Variants in JHY observed in about 807,000 individuals in gnomAD.
The protein encoded by JHY is junctional cadherin complex regulator, also known as jhy protein homolog.
In JHY, 69 loss-of-function variants were observed where a neutral mutation model predicts 78.0. The ratio of observed to expected loss-of-function variants is 0.88; its 90% confidence interval spans 0.73 to 1.08. The LOEUF (loss-of-function observed/expected upper bound fraction) is 1.08. Ranked by LOEUF, JHY falls within the 50% of genes least tolerant of loss-of-function variation. The pLI is 0.00. For missense variants in JHY, 944 were observed against 927.8 expected, an observed-to-expected ratio of 1.02 and a Z score of -0.23; for synonymous variants, 368 against 342.6, an observed-to-expected ratio of 1.07 and a Z score of -0.82.
intron 3 of JHY, among the ~76,000 whole-genome samples, chr11:122,911,905 CAAAAAAAAAAAAAA>C (rs59941995): frequency 6.2e-4 from 31 of 49,734 alleles, no homozygotes; most frequent in East Asian, 4.3e-3. Context: ...AACTCTGTCT[CAAAAAAAAAAAAAA>C]AAAAAAAAAA....
rs1864335483 is a variant in JHY, at chr11:122,962,477, A to G, written c.*3032A>G. On this transcript the variant is annotated 3_prime_UTR_variant, in exon 9 of 9. Coordinates refer to ENST00000227349, the MANE Select transcript of JHY (RefSeq NM_024806.4). Reference sequence around the variant, plus strand: ...TGAATCATGTTTCAGTGGGATTTGGAAAATGTAATATATGAGGCATTAGAC... The same window carrying G: ...TGAATCATGTTTCAGTGGGATTTGGGAAATGTAATATATGAGGCATTAGAC... Among the ~76,000 whole-genome samples, 1 of 152,200 alleles carries G rather than the reference A, an allele frequency of 6.6e-6. No homozygotes were observed.
intron 8 of JHY, 97 bp downstream of exon 8, chr11:122,957,588 T>TCTTGC: frequency 8.0e-7 from 1 of 1,256,694 alleles, no homozygotes; most frequent in Non-Finnish European, 1.0e-6. Flanking sequence ...AGCCACAGAG[T>TCTTGC]CTTGCCGTCT....
At position 122,917,491 on chromosome 11, in the gene JHY, C is replaced by A. The variant is rs1160199703; in HGVS notation, c.865-7406C>A. ...GCATCATCATCACCTGGGAACTTAA[C>A]ACAAGTGGAAATTCTTGGGCCCCAT... On this transcript the variant is annotated intron_variant, in intron 3 of 8. Transcript: ENST00000227349. This position sits in a 1 kb window ranked among gnomAD's most constrained non-coding sequence, Gnocchi z 4.1. 6.6e-6 allele frequency among the ~76,000 whole-genome samples: 1 copy of A among 152,206 alleles called. No homozygotes were observed. Among genetic ancestry groups the A allele is most frequent in the Admixed American group, 6.5e-5 (1 of 15,280 alleles).
In JHY at chr11:122,962,464, C is replaced by T. The variant is rs915942960; in HGVS notation, c.*3019C>T. Among the ~76,000 whole-genome samples the T allele has an allele frequency of 6.6e-6, 1 of 152,082 alleles. No individual in the cohort carries two copies. The highest frequency in any genetic ancestry group is 6.5e-5 in the Admixed American group (1 of 15,268). On this transcript the variant is annotated 3_prime_UTR_variant, in exon 9 of 9. Transcript: ENST00000227349. ...AACAGAAAACTGGTGAATCATGTTT[C>T]AGTGGGATTTGGAAAATGTAATATA...
At chr11:122,928,928 G>A (rs189793657) in intron 4 of JHY, among the ~76,000 whole-genome samples, 239 of 151,218 alleles carry the variant, frequency 1.6e-3, no homozygotes, top group African/African-American at 4.7e-3. Flanking sequence ...GATTACAGGC[G>A]TGAGCCAACA....
chr11:122,934,397 A>G (rs763039896), intron 4 of JHY, 23 bp from the exon 5 acceptor site: 1 of 1,451,436 alleles, frequency 6.9e-7, no homozygotes, highest in Non-Finnish European at 9.2e-7. Context: ...CTAATTTTAC[A>G]TTAACCAAAA....
At chr11:122,890,560 G>A (rs1862591764) in intron 2 of JHY, among the ~76,000 whole-genome samples, 1 of 152,166 alleles carries the variant, frequency 6.6e-6, no homozygotes, top group Non-Finnish European at 1.5e-5. Context: ...AGAAACCAAG[G>A]TAAGGATCCA....
chr11:122,919,187 A>G (rs1387022474), intron 3 of JHY, among the ~76,000 whole-genome samples: 3 of 151,660 alleles, frequency 2.0e-5, no homozygotes, highest in East Asian at 1.9e-4. Flanking sequence ...CCCCGTCTCT[A>G]CTAAAATTAC....
intron 3 of JHY, among the ~76,000 whole-genome samples, chr11:122,906,619 C>G (rs1356914958): frequency 6.6e-6 from 1 of 152,160 alleles, no homozygotes; most frequent in African/African-American, 2.4e-5. Context: ...TTCAGAAACT[C>G]TCTTTTTAGT....
At chr11:122,914,429 GTTTTGTTT>G (rs1863193629) in intron 3 of JHY, among the ~76,000 whole-genome samples, 1 of 151,478 alleles carries the variant, frequency 6.6e-6, no homozygotes, top group Non-Finnish European at 1.5e-5. Context: ...TTTTTGTTTT[GTTTTGTTT>G]TTTTGTTTTT....
At chr11:122,921,898 C>T (rs555910822) in intron 3 of JHY, among the ~76,000 whole-genome samples, 3 of 152,208 alleles carry the variant, frequency 2.0e-5, no homozygotes, top group East Asian at 3.9e-4. Flanking sequence ...GCAGGAGAAC[C>T]GCTCGAGCCC....
At chr11:122,885,278 C>T (rs948816411) in intron 1 of JHY, among the ~76,000 whole-genome samples, 1 of 152,118 alleles carries the variant, frequency 6.6e-6, no homozygotes, top group Non-Finnish European at 1.5e-5. Context: ...ATTTACAGTT[C>T]CAACTATGGA....
At chr11:122,919,879 G>A (rs772204231) in intron 3 of JHY, among the ~76,000 whole-genome samples, 1 of 152,208 alleles carries the variant, frequency 6.6e-6, no homozygotes, top group Non-Finnish European at 1.5e-5. Flanking sequence ...ACATGTATGT[G>A]CATGCTAAAT....
At chr11:122,942,817 T>C (rs1036479896) in intron 5 of JHY, among the ~76,000 whole-genome samples, 3 of 152,246 alleles carry the variant, frequency 2.0e-5, no homozygotes, top group African/African-American at 7.2e-5. Flanking sequence ...CTAAGTATGT[T>C]TTAGTTGCTT....
intron 2 of JHY, among the ~76,000 whole-genome samples, chr11:122,889,331 T>C (rs929433999): frequency 1.3e-4 from 2 of 15,476 alleles, no homozygotes; most frequent in African/African-American, 3.3e-4. Flanking sequence ...TCCGTATCCA[T>C]GGTTTCGCAT....
At chr11:122,908,471 C>G (rs1199261432) in intron 3 of JHY, among the ~76,000 whole-genome samples, 1 of 152,198 alleles carries the variant, frequency 6.6e-6, no homozygotes, top group Non-Finnish European at 1.5e-5. Context: ...GTGTGCATTT[C>G]TGACAAGTTC....
chr11:122,939,621 A>G (rs1473042622), intron 5 of JHY, among the ~76,000 whole-genome samples: 2 of 152,284 alleles, frequency 1.3e-5, no homozygotes, highest in East Asian at 3.9e-4. Context: ...TTATTCTGCC[A>G]CGTTTTTTCT....
rs1442850067 is a variant in JHY at position 122,882,784 on chromosome 11, G to C, written c.-278G>C. ...ACGGCCGTTTGCAGCCTCCGTGCCA[G>C]GGCCGGGGGTGCGGTTCGGGACGCG... On this transcript the variant is annotated 5_prime_UTR_variant, in exon 1 of 9. Transcript: ENST00000227349. 3 of 153,050 alleles carry C rather than the reference G, an allele frequency of 2.0e-5. No individual in the cohort carries two copies. Among genetic ancestry groups the C allele is most frequent in the Non-Finnish European group, 4.4e-5 (3 of 68,112 alleles). 9.5% of individuals were successfully genotyped at this position (153,050 alleles called of 1,614,324 possible).
Position 122,886,078 on chromosome 11 carries a change from G to A in JHY, c.229G>A (p.Glu77Lys). 7 of 1,614,162 alleles carry A rather than the reference G, an allele frequency of 4.3e-6. No individual in the cohort carries two copies. The highest frequency in any genetic ancestry group is 5.9e-6 in the Non-Finnish European group (7 of 1,180,042). ...TATGGAGCCCGACAGCTTAGACGAG[G>A]AGGAAAGCCCTCGATGGGGAAGCCT... Reference protein sequence around the residue: ...NGMEPDSLDEEESPRWGSLHE... With the variant: ...NGMEPDSLDEKESPRWGSLHE... The change falls in exon 2 of 9, where the codon GAG (glutamate) becomes AAG (lysine). Residue 77 changes from glutamate to lysine, a missense_variant. By Grantham distance (56) the Glu-to-Lys change is moderately conservative. Transcript: ENST00000227349.
Sources: allele counts gnomAD v4.1 joint callset (sites outside exome capture counted in the v4.1 genomes callset), GRCh38; gene constraint gnomAD v4.1.1; non-coding constraint Gnocchi (gnomAD v3.1); transcripts MANE v1.5; gene names NCBI Gene and HGNC (gene_info 2026-07-23, HGNC 2026-07-21).